The following NCKAP1L variants were observed in gnomAD, a reference collection of about 807,000 sequenced individuals.
NCKAP1L encodes the protein NCK associated protein 1 like.
Under a neutral mutation model 139.2 loss-of-function variants are expected in NCKAP1L, and 53 were observed. The observed-to-expected ratio is 0.38, with a 90% CI of 0.31 to 0.48. NCKAP1L has a LOEUF of 0.48. NCKAP1L is among the 20% of genes least tolerant of loss of function. NCKAP1L has a pLI of 0.98. For synonymous variants in NCKAP1L, 468 were observed against 499.7 expected, an observed-to-expected ratio of 0.94 and a Z score of 0.85; for missense variants, 1,151 against 1,381.9, an observed-to-expected ratio of 0.83 and a Z score of 2.65.
At chr12:54,539,777 C>T (rs1023996144) in intron 30 of NCKAP1L, among the ~76,000 whole-genome samples, 3 of 152,120 alleles carry the variant, frequency 2.0e-5, no homozygotes, top group Non-Finnish European at 2.9e-5. Flanking sequence ...AGAGCCTGTA[C>T]CCCACCTTGA....
chr12:54,510,516 A>T (rs1009370968), intron 7 of NCKAP1L: 13 of 185,274 alleles, frequency 7.0e-5, no homozygotes, highest in Non-Finnish European at 1.0e-4. Context: ...ATTTAATTTT[A>T]ATTTTTATTT....
chr12:54,538,260 C>G (rs1052611669), intron 29 of NCKAP1L, among the ~76,000 whole-genome samples: 1 of 152,180 alleles, frequency 6.6e-6, no homozygotes, highest in African/African-American at 2.4e-5. Context: ...AGACCTGGCT[C>G]TCAGCATCTT....
chr12:54,506,999 T>C (rs1956846626), intron 3 of NCKAP1L, among the ~76,000 whole-genome samples: 1 of 151,344 alleles, frequency 6.6e-6, no homozygotes, highest in South Asian at 2.1e-4. Context: ...GAGATAACTC[T>C]GAGAACTTTT....
Position 54,542,790 on chromosome 12 carries a change from TA to T in NCKAP1L, c.*107del. On this transcript the variant is annotated 3_prime_UTR_variant, in exon 31 of 31. Transcript: ENST00000293373. Reference sequence around the variant, plus strand: ...GGGGGTGGGAATGGGGTGGGGTCACTAAGGAGAGAGGGTCAGGAGCCAGAGT... The same window carrying T: ...GGGGGTGGGAATGGGGTGGGGTCACTAGGAGAGAGGGTCAGGAGCCAGAGT... The T allele has an allele frequency of 1.4e-6, 1 of 729,184 alleles. No individual in the cohort carries two copies. The allele number at this position is 729,184 out of a possible 1,614,324, so 45.2% of individuals were successfully genotyped here. A position where few individuals can be genotyped will look rare whatever the true frequency, so the allele number is the denominator to read the frequency against.
At chr12:54,530,968 A>T (rs970842300) in intron 22 of NCKAP1L, among the ~76,000 whole-genome samples, 1 of 152,200 alleles carries the variant, frequency 6.6e-6, no homozygotes, top group Non-Finnish European at 1.5e-5. Flanking sequence ...GTCAAACCCA[A>T]GTGTCATATA....
Position 54,521,237 on chromosome 12 carries a change from A to G in NCKAP1L, c.1877A>G (p.Gln626Arg). ...GCTGAGCAGCGAAACCTGAGCGAGC[A>G]GGTAGACTCAGCCCTCTCTGTTTCA... is the stretch of plus-strand genomic sequence containing the variant. The part of the protein sequence containing the change: ...ICAEQRNLSE[Q>R]LLPKHCATTI... The change falls in exon 18 of 31, where the codon CAG becomes CGG. Residue 626 changes from glutamine (Q) to arginine (R), a missense_variant and splice_region_variant. By Grantham distance (43) the Gln-to-Arg change is conservative. Coordinates refer to ENST00000293373, the MANE Select transcript of NCKAP1L (RefSeq NM_005337.5). 1 of 1,613,980 alleles carries G rather than the reference A, an allele frequency of 6.2e-7. No homozygotes were observed.
intron 22 of NCKAP1L, among the ~76,000 whole-genome samples, chr12:54,531,025 A>G (rs1957064892): frequency 6.6e-6 from 1 of 152,252 alleles, no homozygotes; most frequent in Non-Finnish European, 1.5e-5. Flanking sequence ...TAAAGTAATT[A>G]GTTATCATTT....
chr12:54,513,584 C>A (rs565654895), intron 9 of NCKAP1L, among the ~76,000 whole-genome samples: 3 of 152,194 alleles, frequency 2.0e-5, no homozygotes, highest in Admixed American at 1.3e-4. Context: ...GAAAGCATTC[C>A]TAGAAGGAAG....
At chr12:54,535,855 G>T (rs923551155) in intron 27 of NCKAP1L, among the ~76,000 whole-genome samples, 1 of 152,166 alleles carries the variant, frequency 6.6e-6, no homozygotes, top group Non-Finnish European at 1.5e-5. Flanking sequence ...GCATCCTAGG[G>T]TTGCATTGTA....
intron 4 of NCKAP1L, 50 bp downstream of exon 4, chr12:54,507,959 G>A (rs781160241): frequency 1.8e-5 from 28 of 1,556,722 alleles, no homozygotes; most frequent in Non-Finnish European, 2.7e-6. Flanking sequence ...GAAAAGGCCA[G>A]GTCTAGGTTG....
intron 18 of NCKAP1L, among the ~76,000 whole-genome samples, chr12:54,522,182 G>T (rs553118693): frequency 6.6e-6 from 1 of 152,302 alleles, no homozygotes; most frequent in African/African-American, 2.4e-5. Flanking sequence ...TAAGAGAAAA[G>T]GGAGTATAAA....
At chr12:54,520,949 C>T (rs953531020) in intron 17 of NCKAP1L, 123 bp downstream of exon 17, 11 of 1,465,004 alleles carry the variant, frequency 7.5e-6, no homozygotes, top group Admixed American at 1.7e-5. Context: ...TGATATGAGT[C>T]CCTAAATATC....
chr12:54,512,332 A>G, intron 9 of NCKAP1L: 1 of 392,554 alleles, frequency 2.5e-6, no homozygotes, highest in East Asian at 4.9e-5. Context: ...CTCTGAAACT[A>G]GATTGCTTGG....
chr12:54,525,844 G>T (rs1957021749), intron 20 of NCKAP1L, among the ~76,000 whole-genome samples: 1 of 152,144 alleles, frequency 6.6e-6, no homozygotes, highest in African/African-American at 2.4e-5. Flanking sequence ...TTAGTCAGAG[G>T]ACTGACTCTA....
chr12:54,499,335 T>A lies in NCKAP1L; in HGVS notation c.103-20T>A. 1 of 1,307,842 alleles carries A rather than the reference T, an allele frequency of 7.6e-7. No individual in the cohort carries two copies. Among genetic ancestry groups the A allele is most frequent in the Non-Finnish European group, 1.1e-6 (1 of 901,172 alleles). 81.0% of individuals were successfully genotyped at this position (1,307,842 alleles called of 1,614,324 possible). A position where few individuals can be genotyped will look rare whatever the true frequency, so the allele number is the denominator to read the frequency against. On this transcript the variant is annotated intron_variant, in intron 1 of 30. Transcript: ENST00000293373. ...AGGAGGAGGAGAAAGGGTTGAAATA[T>A]ATATGGTTTCTCTCTGCAGACTTGT...
chr12:54,529,933 C>T (rs987138659), intron 22 of NCKAP1L, among the ~76,000 whole-genome samples: 12 of 152,172 alleles, frequency 7.9e-5, no homozygotes, highest in South Asian at 2.1e-4. Context: ...CTACAGAGGG[C>T]GATTCAGCTC....
chr12:54,506,796 A>AAAAAAAAAAAT, intron 3 of NCKAP1L, among the ~76,000 whole-genome samples: 5 of 50,608 alleles, frequency 9.9e-5, no homozygotes, highest in South Asian at 1.2e-3. Context: ...AAAAAAAAAA[A>AAAAAAAAAAAT]ATATATATAT....
chr12:54,533,530 A>G (rs1467775326), intron 26 of NCKAP1L, among the ~76,000 whole-genome samples: 6 of 152,160 alleles, frequency 3.9e-5, no homozygotes, highest in African/African-American at 1.4e-4. Context: ...TGGCTTCTGT[A>G]TCAGTACCAC....
At chr12:54,526,389 G>A (rs187998468) in intron 20 of NCKAP1L, 139 bp from the exon 21 acceptor site, 1 of 656,594 alleles carries the variant, frequency 1.5e-6, no homozygotes, top group East Asian at 2.7e-5. Context: ...TAGCTTATTA[G>A]GTTACTATGA....
Sources: gnomAD v4.1 joint callset for allele counts (sites outside exome capture counted in the v4.1 genomes callset) on GRCh38, gnomAD v4.1.1 for gene constraint, MANE v1.5 for transcripts, NCBI Gene and HGNC (gene_info 2026-07-23, HGNC 2026-07-21) for gene names.